Variants in RGCC observed in about 807,000 individuals in gnomAD.
RGCC encodes regulator of cell cycle.
In RGCC, 15 loss-of-function variants were observed where a neutral mutation model predicts 15.4. The observed-to-expected ratio is 0.97, with a 90% CI of 0.65 to 1.50. The LOEUF (loss-of-function observed/expected upper bound fraction) is 1.50, where lower values mean the gene tolerates loss of function less well. RGCC is among the 40% of genes most tolerant of loss of function. RGCC has a pLI of 0.00. For synonymous variants in RGCC, 81 were observed against 78.0 expected, an observed-to-expected ratio of 1.04 and a Z score of -0.20; for missense variants, 176 against 189.7, an observed-to-expected ratio of 0.93 and a Z score of 0.42.
chr13:41,457,675 G>A lies in RGCC; in HGVS notation c.-33G>A. ...CCGGCTGCCACCTCGCAGGACCCAA[G>A]GCCACGCGCGCCGGGCCCAGCTGAG... On this transcript the variant is annotated 5_prime_UTR_variant, in exon 1 of 5. Transcript: ENST00000379359. This position sits in a 1 kb window ranked among gnomAD's most constrained non-coding sequence, Gnocchi z 4.9. 1 of 1,497,458 alleles carries A rather than the reference G, an allele frequency of 6.7e-7. No individual in the cohort carries two copies. Among genetic ancestry groups the A allele is most frequent in the Non-Finnish European group, 8.9e-7 (1 of 1,124,890 alleles). The allele number at this position is 1,497,458 out of a possible 1,614,324, so 92.8% of individuals were successfully genotyped here.
rs372794864 is a variant in RGCC at position 41,468,789 on chromosome 13, C to T, written c.357C>T (p.Asp119=). 40 of 1,607,332 alleles carry T rather than the reference C, an allele frequency of 2.5e-5. No individual in the cohort carries two copies. Among genetic ancestry groups the T allele is most frequent in the Non-Finnish European group, 3.2e-5 (38 of 1,178,772 alleles). Residue 119 remains aspartate, a synonymous_variant, in exon 4 of 5, where the codon GAC becomes GAT. Coordinates refer to ENST00000379359, the MANE Select transcript of RGCC (RefSeq NM_014059.3). ...TVTPQKAKLG[D]TKELEAFIAD... ...CCTGTTTCACAGCTAAATTAGGAGA[C>T]ACAAAAGAGCTAGAAGCCTTCATTG... is the stretch of plus-strand genomic sequence containing the variant.
At chr13:41,469,406 CA>C (rs1360110622) in intron 4 of RGCC, among the ~76,000 whole-genome samples, 1 of 152,084 alleles carries the variant, frequency 6.6e-6, no homozygotes, top group East Asian at 1.9e-4. Context: ...CGTTTCCAAA[CA>C]GTGAGAACAG....
intron 2 of RGCC, among the ~76,000 whole-genome samples, chr13:41,460,670 G>C (rs1190163679): frequency 1.3e-5 from 2 of 152,216 alleles, no homozygotes; most frequent in African/African-American, 4.8e-5. Context: ...CCTGGGTGAT[G>C]AGTGGGATTT....
At chr13:41,464,507 A>C (rs2043838140) in intron 2 of RGCC, among the ~76,000 whole-genome samples, 1 of 152,080 alleles carries the variant, frequency 6.6e-6, no homozygotes, top group South Asian at 2.1e-4. Flanking sequence ...TTCCCAAGTA[A>C]GGTTCCACGG....
At chr13:41,469,295 T>TAATAATAATAAGAAGAAGAAGAAG (rs869157194) in intron 4 of RGCC, among the ~76,000 whole-genome samples, 4 of 86,726 alleles carry the variant, frequency 4.6e-5, no homozygotes, top group African/African-American at 1.5e-4. Flanking sequence ...ATAATAATAA[T>TAATAATAATAAGAAGAAGAAGAAG]AAGAAGAAGA....
intron 2 of RGCC, among the ~76,000 whole-genome samples, chr13:41,465,691 G>A (rs1411873453): frequency 1.3e-5 from 2 of 152,172 alleles, no homozygotes; most frequent in African/African-American, 2.4e-5. Flanking sequence ...GAGCCATGAT[G>A]TCACTCCAAG....
chr13:41,459,558 C>T (rs1001170586), intron 2 of RGCC, among the ~76,000 whole-genome samples: 1 of 152,244 alleles, frequency 6.6e-6, no homozygotes, highest in African/African-American at 2.4e-5. Context: ...GCGCTCACCA[C>T]CCTGGTCAGG....
intron 2 of RGCC, among the ~76,000 whole-genome samples, chr13:41,460,469 C>A (rs1413805857): frequency 1.3e-5 from 2 of 152,182 alleles, no homozygotes; most frequent in African/African-American, 4.8e-5. Context: ...TCACTTTTAG[C>A]AAACGCTTGT....
Position 41,458,334 on chromosome 13 carries a change from C to T in RGCC, c.99C>T (p.Cys33=). Residue 33 remains cysteine, a synonymous_variant, in exon 2 of 5, where the codon TGC becomes TGT. Transcript: ENST00000379359. The surrounding 1 kb of genome is among the most constrained non-coding windows in gnomAD (Gnocchi z 4.4). ...AAAEDLSDAL[C]EFDAVLADFA... ...CGGAGGACCTGTCGGACGCGCTGTGCGAGTTTGACGCGGTGCTGGCCGACT... is the reference window on the plus strand; with the variant it reads ...CGGAGGACCTGTCGGACGCGCTGTGTGAGTTTGACGCGGTGCTGGCCGACT... 2 of 1,588,154 alleles carry T rather than the reference C, an allele frequency of 1.3e-6. No individual in the cohort carries two copies. Among genetic ancestry groups the T allele is most frequent in the Admixed American group, 1.7e-5 (1 of 58,216 alleles).
intron 3 of RGCC, among the ~76,000 whole-genome samples, chr13:41,467,151 T>C (rs1326360918): frequency 2.0e-5 from 3 of 152,218 alleles, no homozygotes; most frequent in African/African-American, 4.8e-5. Context: ...GCAGAAAACC[T>C]GAAGTCACAG....
chr13:41,469,150 T>C (rs1391405978), intron 4 of RGCC, among the ~76,000 whole-genome samples: 2 of 151,708 alleles, frequency 1.3e-5, no homozygotes, highest in African/African-American at 4.8e-5. Context: ...AGTCCCAGCT[T>C]CTTGGGAGGC....
intron 4 of RGCC, among the ~76,000 whole-genome samples, chr13:41,469,267 A>G (rs2043863119): frequency 3.3e-5 from 3 of 91,482 alleles, no homozygotes; most frequent in South Asian, 3.3e-4. Context: ...CAAAATAGTA[A>G]TAATAATAAT....
At chr13:41,469,348 G>T (rs2043865126) in intron 4 of RGCC, among the ~76,000 whole-genome samples, 1 of 151,184 alleles carries the variant, frequency 6.6e-6, no homozygotes, top group Non-Finnish European at 1.5e-5. Flanking sequence ...GACTCTAGTG[G>T]CTAGGAATGA....
At position 41,457,852 on chromosome 13, in the gene RGCC, C is replaced by G; in HGVS notation, c.49+96C>G. Reference sequence around the variant, plus strand: ...GTGTCGTCCCTTCACACCCCCCACCCTTCCATCCTCCCCGGCGGGAACCTG... The same window carrying G: ...GTGTCGTCCCTTCACACCCCCCACCGTTCCATCCTCCCCGGCGGGAACCTG... On this transcript the variant is annotated intron_variant, in intron 1 of 4. Coordinates refer to ENST00000379359, the MANE Select transcript of RGCC (RefSeq NM_014059.3). The surrounding 1 kb of genome is among the most constrained non-coding windows in gnomAD (Gnocchi z 4.9). 1 of 1,337,944 alleles carries G rather than the reference C, an allele frequency of 7.5e-7. No individual in the cohort carries two copies. Among genetic ancestry groups the G allele is most frequent in the South Asian group, 2.1e-5 (1 of 46,728 alleles). 82.9% of individuals were successfully genotyped at this position (1,337,944 alleles called of 1,614,324 possible). A position where few individuals can be genotyped will look rare whatever the true frequency, so the allele number is the denominator to read the frequency against.
At chr13:41,459,666 A>T (rs1339804061) in intron 2 of RGCC, among the ~76,000 whole-genome samples, 1 of 152,260 alleles carries the variant, frequency 6.6e-6, no homozygotes, top group African/African-American at 2.4e-5. Context: ...GGATGGAAGA[A>T]AGTACTGTTA....
At chr13:41,462,352 C>T (rs899056542) in intron 2 of RGCC, among the ~76,000 whole-genome samples, 1 of 152,160 alleles carries the variant, frequency 6.6e-6, no homozygotes, top group Admixed American at 6.5e-5. Context: ...AGCAGTGTTT[C>T]TCAGACTCTG....
intron 3 of RGCC, among the ~76,000 whole-genome samples, chr13:41,468,047 GA>G (rs1229270842): frequency 1.3e-5 from 2 of 152,102 alleles, no homozygotes; most frequent in Admixed American, 6.5e-5. Context: ...TCAGCTATAT[GA>G]AAAAAATCTC....
chr13:41,466,193 A>G (rs1045415714), intron 2 of RGCC, among the ~76,000 whole-genome samples: 5 of 145,652 alleles, frequency 3.4e-5, no homozygotes, highest in Admixed American at 2.7e-4. Context: ...ACACACACTC[A>G]CACACACTCA....
chr13:41,458,765 T>TC lies in RGCC; in HGVS notation c.235+298dup, dbSNP rs920422753. Among the ~76,000 whole-genome samples the TC allele has an allele frequency of 6.6e-6, 1 of 152,070 alleles. No homozygotes were observed. The highest frequency in any genetic ancestry group is 2.4e-5 in the African/African-American group (1 of 41,370). ...ACCTGCACCAGGCCTTTCCGCAGTT[T>TC]CCCTCCTCTTCTCCTTTCCGTGCCT... is the stretch of plus-strand genomic sequence containing the variant. On this transcript the variant is annotated intron_variant, in intron 2 of 4. Coordinates refer to ENST00000379359, the MANE Select transcript of RGCC (RefSeq NM_014059.3). This position sits in a 1 kb window ranked among gnomAD's most constrained non-coding sequence, Gnocchi z 4.4.
Sources: allele counts gnomAD v4.1 joint callset (sites outside exome capture counted in the v4.1 genomes callset), GRCh38; gene constraint gnomAD v4.1.1; non-coding constraint Gnocchi (gnomAD v3.1); transcripts MANE v1.5; gene names NCBI Gene and HGNC (gene_info 2026-07-23, HGNC 2026-07-21).